SLC14A2: variants seen among roughly 807,000 people sequenced by gnomAD.
The protein encoded by SLC14A2 is solute carrier family 14 member 2, also known as urea transporter 2.
A neutral mutation model predicts 104.6 loss-of-function variants in SLC14A2; 91 were observed. That is an observed-to-expected ratio of 0.87 (90% confidence interval 0.73 to 1.04). SLC14A2 has a LOEUF of 1.04. Ranked by LOEUF, SLC14A2 falls within the 50% of genes least tolerant of loss-of-function variation. The pLI, the probability that SLC14A2 is intolerant of heterozygous loss-of-function variation, is 0.00. For synonymous variants in SLC14A2, 476 were observed against 466.4 expected, an observed-to-expected ratio of 1.02 and a Z score of -0.27; for missense variants, 1,189 against 1,156.0, an observed-to-expected ratio of 1.03 and a Z score of -0.41.
chr18:45,170,302 A>C, the SLC14A2 span, among the ~76,000 whole-genome samples: 1 of 152,134 alleles, frequency 6.6e-6, no homozygotes, highest in Non-Finnish European at 1.5e-5. Flanking sequence ...CATTAGAGAC[A>C]GAAGCAGAAG....
chr18:45,498,833 G>A (rs185472895), intron 2 of SLC14A2, among the ~76,000 whole-genome samples: 42 of 152,264 alleles, frequency 2.8e-4, no homozygotes, highest in African/African-American at 9.4e-4. Flanking sequence ...GTAAAGAAAG[G>A]TTTCTGCACT....
At chr18:45,334,657 T>C (rs1405129284) in intron 1 of SLC14A2, among the ~76,000 whole-genome samples, 2 of 152,216 alleles carry the variant, frequency 1.3e-5, no homozygotes, top group Non-Finnish European at 1.5e-5. Context: ...CCTTGATCTT[T>C]CTTTTCTTTT....
chr18:45,255,375 G>A (rs550349989), intron 1 of SLC14A2, among the ~76,000 whole-genome samples: 3 of 152,314 alleles, frequency 2.0e-5, no homozygotes, highest in East Asian at 3.9e-4. Flanking sequence ...GAGCAAGATG[G>A]CTCTTTACAG....
At chr18:45,650,668 G>A (rs1202476529) in intron 10 of SLC14A2, among the ~76,000 whole-genome samples, 3 of 152,230 alleles carry the variant, frequency 2.0e-5, no homozygotes, top group African/African-American at 7.2e-5. Context: ...CACCTGAGGT[G>A]AAGATGAGGA....
intron 10 of SLC14A2, among the ~76,000 whole-genome samples, chr18:45,648,343 C>G (rs1216508242): frequency 1.3e-5 from 2 of 151,820 alleles, no homozygotes; most frequent in Non-Finnish European, 2.9e-5. Context: ...TTAGCTGGGA[C>G]TACAGGCACC....
intron 10 of SLC14A2, among the ~76,000 whole-genome samples, chr18:45,656,555 T>C (rs1299841664): frequency 6.6e-6 from 1 of 152,200 alleles, no homozygotes; most frequent in Non-Finnish European, 1.5e-5. Context: ...TTAGGAAGAC[T>C]GATGATACAG....
At chr18:45,673,854 A>G (rs2046182434) in intron 18 of SLC14A2, 37 bp downstream of exon 18, 1 of 1,596,082 alleles carries the variant, frequency 6.3e-7, no homozygotes, top group African/African-American at 1.3e-5. Flanking sequence ...TTCCTTTATA[A>G]AAGGCTTTTT....
At chr18:45,232,642 C>T (rs1167716692) in intron 1 of SLC14A2, among the ~76,000 whole-genome samples, 1 of 152,106 alleles carries the variant, frequency 6.6e-6, no homozygotes, top group Non-Finnish European at 1.5e-5. Flanking sequence ...CATAGACAAT[C>T]TGTTTGTGAA....
chr18:45,452,280 G>A (rs1245664510), intron 1 of SLC14A2, among the ~76,000 whole-genome samples: 1 of 152,134 alleles, frequency 6.6e-6, no homozygotes, highest in African/African-American at 2.4e-5. Context: ...CCAGCACTTG[G>A]GGTACTAACA....
At chr18:45,227,235 G>A (rs541171825) in intron 1 of SLC14A2, among the ~76,000 whole-genome samples, 16 of 152,280 alleles carry the variant, frequency 1.1e-4, no homozygotes, top group Non-Finnish European at 2.1e-4. Context: ...GCAGTGAAAG[G>A]ACAGGAATGG....
intron 1 of SLC14A2, among the ~76,000 whole-genome samples, chr18:45,369,301 G>A (rs955436237): frequency 6.6e-6 from 1 of 152,000 alleles, no homozygotes; most frequent in African/African-American, 2.4e-5. Context: ...TTCTCTTTAG[G>A]GTTAAACAAT....
chr18:45,669,264 A>G, intron 15 of SLC14A2, 42 bp from the exon 16 acceptor site: 1 of 1,541,778 alleles, frequency 6.5e-7, no homozygotes, highest in Non-Finnish European at 8.9e-7. Context: ...TGTTATGACC[A>G]GGCGGCTTCC....
chr18:45,186,792 A>G, the SLC14A2 span, among the ~76,000 whole-genome samples: 1 of 152,218 alleles, frequency 6.6e-6, no homozygotes, highest in African/African-American at 2.4e-5. Context: ...GGTGTAACCT[A>G]CTGTGAGAGG....
intron 1 of SLC14A2, among the ~76,000 whole-genome samples, chr18:45,316,151 G>T (rs954531754): frequency 6.6e-6 from 1 of 152,196 alleles, no homozygotes; most frequent in African/African-American, 2.4e-5. Context: ...GCCCAGAGGA[G>T]AAAAGTACAA....
chr18:45,400,399 G>C (rs1172348219), intron 1 of SLC14A2, among the ~76,000 whole-genome samples: 1 of 152,196 alleles, frequency 6.6e-6, no homozygotes, highest in Non-Finnish European at 1.5e-5. Context: ...ATGGATTTCA[G>C]TCAGAAATAT....
chr18:45,639,603 A>G (rs1235211124), intron 6 of SLC14A2, 143 bp from the exon 7 acceptor site: 1 of 752,582 alleles, frequency 1.3e-6, no homozygotes, highest in Non-Finnish European at 2.2e-6. Flanking sequence ...CATGCCTCCC[A>G]TGTTCTCTCA....
the SLC14A2 span, among the ~76,000 whole-genome samples, chr18:45,200,935 T>C: frequency 6.6e-6 from 1 of 152,230 alleles, no homozygotes; most frequent in Admixed American, 6.5e-5. Flanking sequence ...ACCTCTTCTC[T>C]TCTAGGATCC....
At chr18:45,579,272 T>A (rs1297606863) in intron 2 of SLC14A2, among the ~76,000 whole-genome samples, 1 of 152,168 alleles carries the variant, frequency 6.6e-6, no homozygotes, top group Non-Finnish European at 1.5e-5. Context: ...CAAGGGGGCA[T>A]GGAGAATTGA....
chr18:45,570,078 G>A (rs2044323944), intron 2 of SLC14A2, among the ~76,000 whole-genome samples: 1 of 152,168 alleles, frequency 6.6e-6, no homozygotes, highest in Non-Finnish European at 1.5e-5. Flanking sequence ...TCATCCTATA[G>A]CAAGTGTGTG....
Sources: gnomAD v4.1 joint callset for allele counts (sites outside exome capture counted in the v4.1 genomes callset) on GRCh38, gnomAD v4.1.1 for gene constraint, MANE v1.5 for transcripts, NCBI Gene and HGNC (gene_info 2026-07-23, HGNC 2026-07-21) for gene names.